The following KCNN1 variants were observed in gnomAD, a reference collection of about 807,000 sequenced individuals.
KCNN1 encodes the protein potassium calcium-activated channel subfamily N member 1.
KCNN1 carries 20 observed loss-of-function variants against 44.7 expected under a neutral mutation model. The ratio of observed to expected loss-of-function variants is 0.45; its 90% CI spans 0.32 to 0.65. The LOEUF is 0.65. KCNN1 is among the 30% of genes least tolerant of loss of function. KCNN1 has a pLI of 0.05. For synonymous variants in KCNN1, 324 were observed against 341.7 expected, an observed-to-expected ratio of 0.95 and a Z score of 0.57; for missense variants, 632 against 785.3, an observed-to-expected ratio of 0.80 and a Z score of 2.33.
At position 17,993,181 on chromosome 19, in the gene KCNN1, C is replaced by T. The variant is rs2145973690; in HGVS notation, c.1307+119C>T. 8.2e-7 allele frequency: 1 copy of T among 1,215,020 alleles called. No individual in the cohort carries two copies. Among genetic ancestry groups the T allele is most frequent in the East Asian group, 2.4e-5 (1 of 41,124 alleles). The allele number at this position is 1,215,020 out of a possible 1,614,324, so 75.3% of individuals were successfully genotyped here. Reference sequence around the variant, plus strand: ...CCTCAGAGGCGGGCAGGGTTCACATCTGCCCCATGGATCCGTGCAGGCTTC... The same window carrying T: ...CCTCAGAGGCGGGCAGGGTTCACATTTGCCCCATGGATCCGTGCAGGCTTC... On this transcript the variant is annotated intron_variant, in intron 8 of 9. Coordinates refer to ENST00000684775, the MANE Select transcript of KCNN1 (RefSeq NM_001386974.1). This position sits in a 1 kb window ranked among gnomAD's most constrained non-coding sequence, Gnocchi z 4.5.
chr19:17,981,022 G>A (rs1396014129), intron 3 of KCNN1, among the ~76,000 whole-genome samples: 4 of 152,052 alleles, frequency 2.6e-5, no homozygotes, highest in African/African-American at 9.7e-5. Flanking sequence ...TTTGAGACCA[G>A]CCTGGCCAAC....
chr19:17,967,162 C>T lies in KCNN1; in HGVS notation c.-237C>T. 1.0e-6 allele frequency: 1 copy of T among 956,002 alleles called. No individual in the cohort carries two copies. The highest frequency in any genetic ancestry group is 1.2e-6 in the Non-Finnish European group (1 of 805,436). 59.2% of individuals were successfully genotyped at this position (956,002 alleles called of 1,614,324 possible). A position where few individuals can be genotyped will look rare whatever the true frequency, so the allele number is the denominator to read the frequency against. On this transcript the variant is annotated 5_prime_UTR_variant, in exon 1 of 10. Transcript: ENST00000684775. Reference sequence around the variant, plus strand: ...TGGGCGGCGGGGGATGCGCCTGCCGCCGCCGCCCCCGGCCCCGCCGCCCCC... The same window carrying T: ...TGGGCGGCGGGGGATGCGCCTGCCGTCGCCGCCCCCGGCCCCGCCGCCCCC...
At chr19:17,990,668 C>T (rs1263206587) in intron 7 of KCNN1, among the ~76,000 whole-genome samples, 7 of 150,578 alleles carry the variant, frequency 4.6e-5, no homozygotes, top group Non-Finnish European at 8.9e-5. Flanking sequence ...GGCGTGGTGG[C>T]GGACGCCTGT....
intron 7 of KCNN1, chr19:17,990,143 A>G: frequency 1.9e-6 from 1 of 534,820 alleles, no homozygotes; most frequent in Non-Finnish European, 3.6e-6. Context: ...TTTGTCTGCC[A>G]GGAGGCTCAT....
chr19:17,982,593 G>A lies in KCNN1; in HGVS notation c.917+466G>A, dbSNP rs1484738363. On this transcript the variant is annotated intron_variant, in intron 4 of 9. Transcript: ENST00000684775. ...GGAAAACATGTGAGTCCCACCCTCC[G>A]CTGAGCTGTGTGCGCAGAGCAGCCA... The A allele has an allele frequency of 6.1e-6, 6 of 985,114 alleles. No individual in the cohort carries two copies. The African/African-American group carries it at 7.0e-5, about 11-fold the overall frequency. 61.0% of individuals were successfully genotyped at this position (985,114 alleles called of 1,614,324 possible).
In KCNN1 at chr19:17,992,708, G is replaced by C. The variant is rs1457501807; in HGVS notation, c.1299-346G>C. Among the ~76,000 whole-genome samples the C allele has an allele frequency of 3.3e-5, 5 of 152,242 alleles. No homozygotes were observed. In the East Asian group the frequency reaches 9.6e-4, roughly 29 times the overall value. The stretch of plus-strand genomic sequence containing the variant: ...TCACCAGTGCCAACACCAACACCAA[G>C]TAGCAAGTGTGGGTTCAAATCCTGC... On this transcript the variant is annotated intron_variant, in intron 7 of 9. Transcript: ENST00000684775.
chr19:17,991,231 C>T (rs933838843), intron 7 of KCNN1, among the ~76,000 whole-genome samples: 14 of 151,992 alleles, frequency 9.2e-5, no homozygotes, highest in Admixed American at 3.9e-4. Flanking sequence ...CCAGGAGGAT[C>T]GCTTGAGGCC....
intron 2 of KCNN1, among the ~76,000 whole-genome samples, chr19:17,956,290 G>T (rs1246380090): frequency 6.6e-6 from 1 of 152,168 alleles, no homozygotes; most frequent in Admixed American, 6.5e-5. Flanking sequence ...TGCCCATGGG[G>T]GTGTGGAGAA....
At chr19:17,985,608 C>G (rs764199735) in intron 5 of KCNN1, among the ~76,000 whole-genome samples, 155 bp downstream of exon 5, 2 of 152,204 alleles carry the variant, frequency 1.3e-5, no homozygotes, top group Non-Finnish European at 2.9e-5. Flanking sequence ...CTCCCCTGCT[C>G]TGCTCTTTTC....
At chr19:17,982,177 T>A in intron 4 of KCNN1, 50 bp downstream of exon 4, 1 of 1,206,676 alleles carries the variant, frequency 8.3e-7, no homozygotes, top group Non-Finnish European at 1.1e-6. Context: ...CCCGTCTCCC[T>A]GGACCTCCAT....
At chr19:17,997,936 C>T (rs2033054429) in intron 9 of KCNN1, among the ~76,000 whole-genome samples, 1 of 151,744 alleles carries the variant, frequency 6.6e-6, no homozygotes, top group Non-Finnish European at 1.5e-5. Context: ...AAAGACCAGT[C>T]TCTCCCCTCA....
intron 3 of KCNN1, among the ~76,000 whole-genome samples, chr19:17,978,419 A>G (rs1344503447): frequency 7.5e-6 from 1 of 133,462 alleles, no homozygotes; most frequent in Admixed American, 8.0e-5. Context: ...GCCACTGCCC[A>G]GCCTGTTTTT....
chr19:17,993,428 C>G lies in KCNN1; in HGVS notation c.1308-62C>G, dbSNP rs141588382. Reference sequence around the variant, plus strand: ...CCGGGTGGGTGCATGAAAGTCCCTGCCCCCACTGCAGCCTCCACGGGAACC... The same window carrying G: ...CCGGGTGGGTGCATGAAAGTCCCTGGCCCCACTGCAGCCTCCACGGGAACC... On this transcript the variant is annotated intron_variant, in intron 8 of 9. Transcript: ENST00000684775. The surrounding 1 kb of genome is among the most constrained non-coding windows in gnomAD (Gnocchi z 4.5). 1.6e-6 allele frequency: 2 copies of G among 1,266,010 alleles called. No homozygotes were observed. Among genetic ancestry groups the G allele is most frequent in the Non-Finnish European group, 2.3e-6 (2 of 878,122 alleles). The allele number at this position is 1,266,010 out of a possible 1,614,324, so 78.4% of individuals were successfully genotyped here. A position where few individuals can be genotyped will look rare whatever the true frequency, so the allele number is the denominator to read the frequency against.
chr19:17,967,881 G>C (rs927945095), intron 1 of KCNN1, among the ~76,000 whole-genome samples: 1 of 152,118 alleles, frequency 6.6e-6, no homozygotes, highest in Non-Finnish European at 1.5e-5. Flanking sequence ...GGGCCCCCGA[G>C]GGAGGCAGCC....
intron 3 of KCNN1, among the ~76,000 whole-genome samples, chr19:17,979,771 G>A (rs2032335672): frequency 6.6e-6 from 1 of 151,976 alleles, no homozygotes; most frequent in Non-Finnish European, 1.5e-5. Context: ...TAGAACGCGC[G>A]GCCGCCACAT....
chr19:17,985,521 CAT>C, intron 5 of KCNN1, 68 bp downstream of exon 5: 1 of 1,427,306 alleles, frequency 7.0e-7, no homozygotes, highest in African/African-American at 1.4e-5. Flanking sequence ...CCAGCCCTTG[CAT>C]ACCCCTTGCT....
rs1219425376 is a variant in KCNN1 at position 17,998,251 on chromosome 19, G to C, written c.1477G>C (p.Gly493Arg). Residue 493 changes from glycine (G) to arginine (R), a missense_variant, in exon 10 of 10, where the codon GGT (glycine) becomes CGT (arginine). Around this residue, in one of 3 missense-constraint regions of KCNN1, gnomAD observed 237 missense variants for 253.0 expected, o/e 0.94. Transcript: ENST00000684775. This position sits in a 1 kb window ranked among gnomAD's most constrained non-coding sequence, Gnocchi z 5.4. ...CCTGGAAAGCCGCTTGGATGCGCTG[G>C]GTGCCTCTCTACAGGCCCTGCCTGG... ...ATLESRLDAL[G>R]ASLQALPGLI... 3 of 1,568,188 alleles carry C rather than the reference G, an allele frequency of 1.9e-6. No individual in the cohort carries two copies. In the Admixed American group the frequency reaches 5.6e-5, roughly 29 times the overall value.
At chr19:17,955,044 A>AG (rs2031508190) in intron 2 of KCNN1, among the ~76,000 whole-genome samples, 1 of 150,064 alleles carries the variant, frequency 6.7e-6, no homozygotes, top group South Asian at 2.1e-4. Context: ...TTTCAAAAAA[A>AG]AAAAAAAAAA....
chr19:17,976,282 TG>T (rs1349465399), intron 3 of KCNN1, among the ~76,000 whole-genome samples: 1 of 151,886 alleles, frequency 6.6e-6, no homozygotes, highest in Non-Finnish European at 1.5e-5. Flanking sequence ...CACTCCAGCC[TG>T]GGCAACAGAG....
Sources: allele counts gnomAD v4.1 joint callset (sites outside exome capture counted in the v4.1 genomes callset), GRCh38; gene constraint gnomAD v4.1.1; regional missense constraint gnomAD v4.1.1; non-coding constraint Gnocchi (gnomAD v3.1); transcripts MANE v1.5; gene names NCBI Gene and HGNC (gene_info 2026-07-23, HGNC 2026-07-21).